Variants in STUM observed in about 807,000 individuals in gnomAD.
STUM encodes the protein protein stum homolog.
In STUM, 8 loss-of-function variants were observed where a neutral mutation model predicts 15.3. That is an observed-to-expected ratio of 0.52 (90% CI 0.31 to 0.94). The LOEUF (loss-of-function observed/expected upper bound fraction) is 0.94. Among genes scored for constraint, STUM ranks in the 40% least tolerant of loss-of-function variants. The pLI is 0.05. For missense variants in STUM, 142 were observed against 204.9 expected, an observed-to-expected ratio of 0.69 and a Z score of 1.87; for synonymous variants, 78 against 88.7, an observed-to-expected ratio of 0.88 and a Z score of 0.68.
At chr1:226,579,771 G>A (rs1171978611) in intron 1 of STUM, among the ~76,000 whole-genome samples, 2 of 151,944 alleles carry the variant, frequency 1.3e-5, no homozygotes, top group Admixed American at 6.6e-5. Flanking sequence ...GGAACTACAG[G>A]CACATGCCAC....
Position 226,588,175 on chromosome 1 carries a change from A to G in STUM, c.203-8627A>G, listed in dbSNP as rs1049314595. Among the ~76,000 whole-genome samples the G allele has an allele frequency of 3.3e-5, 5 of 152,318 alleles. No individual in the cohort carries two copies. The South Asian group carries it at 1.0e-3, about 32-fold the overall frequency. On this transcript the variant is annotated intron_variant, in intron 1 of 3. Transcript: ENST00000366788. The stretch of plus-strand genomic sequence containing the variant: ...CCTCCTTGCAAATTCCTTGCTGGCC[A>G]GGACATGAGGCTGCACACAGTGCTG...
At chr1:226,579,091 G>A (rs758573943) in intron 1 of STUM, among the ~76,000 whole-genome samples, 2 of 152,134 alleles carry the variant, frequency 1.3e-5, no homozygotes, top group Non-Finnish European at 2.9e-5. Context: ...GTGGGTTCTC[G>A]CCTGGCCCAT....
intron 3 of STUM, among the ~76,000 whole-genome samples, chr1:226,601,771 T>C (rs1668271375): frequency 6.7e-6 from 1 of 148,256 alleles, no homozygotes; most frequent in Non-Finnish European, 1.5e-5. Context: ...CCACCCCAAA[T>C]GCCCGCCCGT....
In STUM at chr1:226,604,722, G is replaced by T. The variant is rs913041551; in HGVS notation, c.*2682G>T. The T allele has an allele frequency of 1.8e-4, 28 of 152,240 alleles. No homozygotes were observed. The highest frequency in any genetic ancestry group is 6.8e-4 in the African/African-American group (28 of 41,450). 9.4% of individuals were successfully genotyped at this position (152,240 alleles called of 1,614,324 possible). On this transcript the variant is annotated 3_prime_UTR_variant, in exon 4 of 4. Coordinates refer to ENST00000366788, the MANE Select transcript of STUM (RefSeq NM_001003665.4). The surrounding 1 kb of genome is among the most constrained non-coding windows in gnomAD (Gnocchi z 4.7). ...GTGCATGGTTGACACACAGCCCTTT[G>T]GTGACAAAGCTGGGCTTTGCCTGCA...
chr1:226,597,780 G>A (rs1050556863), intron 2 of STUM, among the ~76,000 whole-genome samples: 6 of 152,224 alleles, frequency 3.9e-5, no homozygotes, highest in Admixed American at 2.6e-4. Flanking sequence ...GCAGTGGAGC[G>A]TGGTCAGATG....
intron 1 of STUM, among the ~76,000 whole-genome samples, chr1:226,583,055 C>T (rs568617915): frequency 6.6e-6 from 1 of 152,344 alleles, no homozygotes; most frequent in Admixed American, 6.5e-5. Flanking sequence ...TCTCATCCTC[C>T]AACAGGCTAG....
At chr1:226,554,892 G>A (rs1667422632) in intron 1 of STUM, among the ~76,000 whole-genome samples, 1 of 152,078 alleles carries the variant, frequency 6.6e-6, no homozygotes, top group South Asian at 2.1e-4. Flanking sequence ...ATTTTCTAGT[G>A]AACTCACTTT....
In STUM at chr1:226,600,130, T is replaced by C. The variant is rs1668242789; in HGVS notation, c.383-536T>C. Among the ~76,000 whole-genome samples, 1 of 151,620 alleles carries C rather than the reference T, an allele frequency of 6.6e-6. No homozygotes were observed. The highest frequency in any genetic ancestry group is 1.9e-4 in the East Asian group (1 of 5,174). On this transcript the variant is annotated intron_variant, in intron 2 of 3. Transcript: ENST00000366788. The surrounding 1 kb of genome is among the most constrained non-coding windows in gnomAD (Gnocchi z 5.2). ...TCTGGAATTTATCTGGAGGAAGGCA[T>C]GAGCTGAGGATGAAAAAAAAAAGGC...
rs1488164862 is a variant in STUM, at chr1:226,608,747, A to T, written c.*6707A>T. 6.6e-6 allele frequency: 1 copy of T among 152,040 alleles called. No homozygotes were observed. Among genetic ancestry groups the T allele is most frequent in the African/African-American group, 2.4e-5 (1 of 41,362 alleles). The allele number at this position is 152,040 out of a possible 1,614,324, so 9.4% of individuals were successfully genotyped here. A position where few individuals can be genotyped will look rare whatever the true frequency, so the allele number is the denominator to read the frequency against. On this transcript the variant is annotated 3_prime_UTR_variant, in exon 4 of 4. Transcript: ENST00000366788. The surrounding 1 kb of genome is among the most constrained non-coding windows in gnomAD (Gnocchi z 4.0). Reference sequence around the variant, plus strand: ...TGACTGAAACCCTTCTTGGAAGAAAACGTCTAATGTCGGGGACGTAGGGAC... The same window carrying T: ...TGACTGAAACCCTTCTTGGAAGAAATCGTCTAATGTCGGGGACGTAGGGAC...
rs924773759 is a variant in STUM, at chr1:226,552,747, C to T, written c.202+3641C>T. Among the ~76,000 whole-genome samples the T allele has an allele frequency of 6.6e-6, 1 of 152,208 alleles. No individual in the cohort carries two copies. The highest frequency in any genetic ancestry group is 2.4e-5 in the African/African-American group (1 of 41,446). ...CACAGGCTGGCTCTGCTTCTTCTCT[C>T]TCTCTTTCCTCTAGACCCAAGGCTC... On this transcript the variant is annotated intron_variant, in intron 1 of 3. Transcript: ENST00000366788. The surrounding 1 kb of genome is among the most constrained non-coding windows in gnomAD (Gnocchi z 4.7).
intron 1 of STUM, among the ~76,000 whole-genome samples, chr1:226,574,632 C>T (rs1033219626): frequency 2.0e-5 from 3 of 152,134 alleles, no homozygotes; most frequent in Non-Finnish European, 4.4e-5. Context: ...ATGGGGGAGA[C>T]GAGGACCCCA....
intron 1 of STUM, among the ~76,000 whole-genome samples, chr1:226,587,573 G>A (rs893425985): frequency 4.6e-5 from 7 of 152,148 alleles, no homozygotes; most frequent in Middle Eastern, 3.4e-3. Context: ...CGCATTTGCC[G>A]GAGAACCCTT....
In STUM at chr1:226,549,058, C is replaced by T. The variant is rs776915433; in HGVS notation, c.154C>T (p.Pro52Ser). The T allele has an allele frequency of 3.5e-5, 56 of 1,582,004 alleles. No individual in the cohort carries two copies. The highest frequency in any genetic ancestry group is 4.7e-5 in the Non-Finnish European group (55 of 1,166,888). Residue 52 changes from proline to serine, a missense_variant, in exon 1 of 4, where the codon CCC becomes TCC. Around this residue, in one of 2 missense-constraint regions of STUM, gnomAD observed 113 missense variants for 134.4 expected, o/e 0.84. Coordinates refer to ENST00000366788, the MANE Select transcript of STUM (RefSeq NM_001003665.4). The surrounding 1 kb of genome is among the most constrained non-coding windows in gnomAD (Gnocchi z 6.8). ...LRAAIPYMPF[P>S]VAVICLFLNT... ...CGCCGCCATCCCCTACATGCCCTTC[C>T]CCGTGGCCGTCATCTGCCTCTTCCT...
rs987520315 is a variant in STUM, at chr1:226,565,086, G to T, written c.202+15980G>T. Among the ~76,000 whole-genome samples the T allele has an allele frequency of 1.7e-4, 26 of 152,218 alleles. No homozygotes were observed. The highest frequency in any genetic ancestry group is 1.1e-3 in the Admixed American group (17 of 15,280). On this transcript the variant is annotated intron_variant, in intron 1 of 3. Coordinates refer to ENST00000366788, the MANE Select transcript of STUM (RefSeq NM_001003665.4). This position sits in a 1 kb window ranked among gnomAD's most constrained non-coding sequence, Gnocchi z 4.4. The stretch of plus-strand genomic sequence containing the variant: ...CTTAGCCAATGGGAGGCACTGGTAG[G>T]CATGGAGGAAAGGAGGGAGAGTTTG...
At chr1:226,570,966 C>G (rs978200767) in intron 1 of STUM, among the ~76,000 whole-genome samples, 2 of 152,188 alleles carry the variant, frequency 1.3e-5, no homozygotes, top group African/African-American at 4.8e-5. Flanking sequence ...CACTGTGGCT[C>G]ACACCTATAA....
intron 1 of STUM, among the ~76,000 whole-genome samples, chr1:226,580,505 G>A (rs1667901972): frequency 6.6e-6 from 1 of 152,022 alleles, no homozygotes; most frequent in Admixed American, 6.5e-5. Context: ...TGATGAGGGG[G>A]AGGGCAGAGG....
rs571950903 is a variant in STUM at position 226,604,910 on chromosome 1, A to C, written c.*2870A>C. The C allele has an allele frequency of 1.3e-5, 2 of 152,414 alleles. No homozygotes were observed. The highest frequency in any genetic ancestry group is 2.1e-4 in the South Asian group (1 of 4,826). The allele number at this position is 152,414 out of a possible 1,614,324, so 9.4% of individuals were successfully genotyped here. A position where few individuals can be genotyped will look rare whatever the true frequency, so the allele number is the denominator to read the frequency against. ...AGGCAATGAGATGCTCCCAGTACCA[A>C]ACTGTGACACTGGGATCAGGGTGGT... On this transcript the variant is annotated 3_prime_UTR_variant, in exon 4 of 4. Coordinates refer to ENST00000366788, the MANE Select transcript of STUM (RefSeq NM_001003665.4). The surrounding 1 kb of genome is among the most constrained non-coding windows in gnomAD (Gnocchi z 4.7).
At position 226,551,930 on chromosome 1, in the gene STUM, C is replaced by A. The variant is rs566140666; in HGVS notation, c.202+2824C>A. ...TCTATCACGTGTCCTCAGCACTTGC[C>A]ATCCTCACTAAACTCCCATTCTGGA... On this transcript the variant is annotated intron_variant, in intron 1 of 3. Transcript: ENST00000366788. Among the ~76,000 whole-genome samples the A allele has an allele frequency of 3.0e-4, 46 of 152,276 alleles. 1 individual carries two copies. In the South Asian group the frequency reaches 9.5e-3, roughly 32 times the overall value.
At position 226,548,895 on chromosome 1, in the gene STUM, G is replaced by T; in HGVS notation, c.-10G>T. On this transcript the variant is annotated 5_prime_UTR_variant, in exon 1 of 4. Coordinates refer to ENST00000366788, the MANE Select transcript of STUM (RefSeq NM_001003665.4). ...CCGTGCTGCCCGGCTGCCTGAGAGC[G>T]CGCCCGGCCATGGAGCCCTCGCACA... The T allele has an allele frequency of 7.3e-7, 1 of 1,363,094 alleles. No homozygotes were observed. 84.4% of individuals were successfully genotyped at this position (1,363,094 alleles called of 1,614,324 possible).
Sources: gnomAD v4.1 joint callset for allele counts (sites outside exome capture counted in the v4.1 genomes callset) on GRCh38, gnomAD v4.1.1 for gene constraint, gnomAD v4.1.1 regional missense constraint, Gnocchi (gnomAD v3.1) non-coding constraint, MANE v1.5 for transcripts, NCBI Gene and HGNC (gene_info 2026-07-23, HGNC 2026-07-21) for gene names.